The following FSHR variants were observed in gnomAD, a reference collection of about 807,000 sequenced individuals.
The protein encoded by FSHR is follicle-stimulating hormone receptor.
FSHR carries 46 observed loss-of-function variants against 52.1 expected under a neutral mutation model. The observed-to-expected ratio is 0.88, with a 90% CI of 0.70 to 1.13. The LOEUF (loss-of-function observed/expected upper bound fraction) is 1.13, where lower values mean the gene tolerates loss of function less well. Among genes scored for constraint, FSHR ranks in the 50% most tolerant of loss-of-function variants. The pLI is 0.00. For missense variants in FSHR, 964 were observed against 834.6 expected (o/e 1.16, Z -1.91); for synonymous variants, 399 against 309.6 (o/e 1.29, Z -3.03).
chr2:49,013,465 T>TATATATATATATAAATAA (rs1667351863), intron 4 of FSHR, among the ~76,000 whole-genome samples: 1 of 122,054 alleles, frequency 8.2e-6, no homozygotes, highest in East Asian at 2.3e-4. Context: ...TATATATAAA[T>TATATATATATATAAATAA]ATATATATAT....
intron 1 of FSHR, among the ~76,000 whole-genome samples, chr2:49,104,026 G>C (rs1671135568): frequency 6.6e-6 from 1 of 151,300 alleles, no homozygotes; most frequent in African/African-American, 2.4e-5. Context: ...TATTATCACT[G>C]CAATTTCAGT....
chr2:48,975,563 C>G (rs1674949519), intron 8 of FSHR, among the ~76,000 whole-genome samples: 1 of 152,092 alleles, frequency 6.6e-6, no homozygotes. Context: ...CTATAGCTTC[C>G]CTGGTTCTCC....
At chr2:49,097,054 T>C (rs1234198928) in intron 1 of FSHR, among the ~76,000 whole-genome samples, 3 of 152,218 alleles carry the variant, frequency 2.0e-5, no homozygotes, top group African/African-American at 7.2e-5. Context: ...TTATAAATTA[T>C]CCAGTCTCAG....
intron 8 of FSHR, among the ~76,000 whole-genome samples, chr2:48,979,796 TCA>T (rs1474795175): frequency 6.6e-6 from 1 of 151,458 alleles, no homozygotes; most frequent in Non-Finnish European, 1.5e-5. Context: ...TGCAGATATA[TCA>T]CAGTCTTTGT....
intron 1 of FSHR, among the ~76,000 whole-genome samples, chr2:49,149,733 T>TGGAGATCTAAACCA (rs2103858626): frequency 6.6e-6 from 1 of 151,960 alleles, no homozygotes; most frequent in Admixed American, 6.6e-5. Flanking sequence ...TTATGGAATA[T>TGGAGATCTAAACCA]GGAGATCTAA....
chr2:49,104,739 C>A (rs543557974), intron 1 of FSHR, among the ~76,000 whole-genome samples: 1 of 151,930 alleles, frequency 6.6e-6, no homozygotes, highest in Non-Finnish European at 1.5e-5. Context: ...CTCTGATTGC[C>A]ATCCTCAATA....
intron 1 of FSHR, among the ~76,000 whole-genome samples, chr2:49,124,674 G>C (rs958973944): frequency 6.6e-6 from 1 of 151,904 alleles, no homozygotes; most frequent in Non-Finnish European, 1.5e-5. Flanking sequence ...CCCAGAATCC[G>C]ACCCCTTCTC....
chr2:49,082,576 G>T (rs1362149049), intron 1 of FSHR, among the ~76,000 whole-genome samples: 1 of 151,966 alleles, frequency 6.6e-6, no homozygotes, highest in Non-Finnish European at 1.5e-5. Flanking sequence ...CAAACCAAAG[G>T]CAAAGAAGTT....
At chr2:49,018,482 C>T (rs1313554367) in intron 3 of FSHR, among the ~76,000 whole-genome samples, 1 of 152,208 alleles carries the variant, frequency 6.6e-6, no homozygotes, top group South Asian at 2.1e-4. Flanking sequence ...GTCAGTGCTA[C>T]ATGGAGGTGA....
At chr2:49,051,710 A>G (rs1015763174) in intron 2 of FSHR, among the ~76,000 whole-genome samples, 11 of 151,908 alleles carry the variant, frequency 7.2e-5, no homozygotes, top group African/African-American at 2.7e-4. Context: ...TTTTTCTTTT[A>G]ATGAAGTCCA....
intron 1 of FSHR, among the ~76,000 whole-genome samples, chr2:49,154,033 G>A (rs1260495803): frequency 6.6e-6 from 1 of 152,090 alleles, no homozygotes; most frequent in Non-Finnish European, 1.5e-5. Context: ...TTTGGATTCC[G>A]GTTCTCTGAC....
intron 1 of FSHR, among the ~76,000 whole-genome samples, chr2:49,084,007 T>C (rs1290156471): frequency 2.0e-5 from 3 of 151,516 alleles, no homozygotes; most frequent in African/African-American, 7.3e-5. Context: ...AATAGACATC[T>C]ACAGAACTCT....
intron 1 of FSHR, among the ~76,000 whole-genome samples, chr2:49,147,253 C>T (rs1278371783): frequency 6.6e-6 from 1 of 152,020 alleles, no homozygotes; most frequent in Non-Finnish European, 1.5e-5. Flanking sequence ...AAAATAATTA[C>T]TCTCTTTCCT....
intron 6 of FSHR, among the ~76,000 whole-genome samples, chr2:48,988,647 T>A (rs982691574): frequency 1.3e-5 from 2 of 152,242 alleles, no homozygotes; most frequent in African/African-American, 4.8e-5. Context: ...ATCTTTTTCT[T>A]TGGGCAACAA....
intron 2 of FSHR, among the ~76,000 whole-genome samples, chr2:49,023,687 T>C (rs1667820655): frequency 6.6e-6 from 1 of 152,142 alleles, no homozygotes; most frequent in African/African-American, 2.4e-5. Flanking sequence ...GGTCCTTGAA[T>C]TGACAAAACA....
chr2:49,004,296 T>C (rs901139926), intron 4 of FSHR, among the ~76,000 whole-genome samples: 1 of 152,222 alleles, frequency 6.6e-6, no homozygotes, highest in Non-Finnish European at 1.5e-5. Flanking sequence ...AGCTGCACTT[T>C]AGCTGTGCTT....
chr2:48,975,464 G>T (rs1441933843), intron 8 of FSHR, among the ~76,000 whole-genome samples: 1 of 152,228 alleles, frequency 6.6e-6, no homozygotes, highest in Non-Finnish European at 1.5e-5. Context: ...CTGTCTCCTT[G>T]TTGACACAGG....
chr2:49,149,250 C>A (rs1009752412), intron 1 of FSHR, among the ~76,000 whole-genome samples: 1 of 151,916 alleles, frequency 6.6e-6, no homozygotes, highest in Non-Finnish European at 1.5e-5. Flanking sequence ...TCTTTCTTCA[C>A]CTCAGAACAG....
At chr2:49,013,187 C>T (rs1305901213) in intron 4 of FSHR, among the ~76,000 whole-genome samples, 2 of 151,270 alleles carry the variant, frequency 1.3e-5, no homozygotes, top group Non-Finnish European at 2.9e-5. Context: ...GAGAAGGCAG[C>T]TGTCTGCAAG....
Sources: gnomAD v4.1 joint callset for allele counts (sites outside exome capture counted in the v4.1 genomes callset) on GRCh38, gnomAD v4.1.1 for gene constraint, MANE v1.5 for transcripts, NCBI Gene and HGNC (gene_info 2026-07-23, HGNC 2026-07-21) for gene names.